Variants in TTC19 observed in about 807,000 individuals in gnomAD.
TTC19 encodes the protein tetratricopeptide repeat domain 19.
TTC19 carries 38 observed loss-of-function variants against 49.5 expected under a neutral mutation model. That is an observed-to-expected ratio of 0.77 (90% CI 0.59 to 1.01). TTC19 has a LOEUF of 1.01. Ranked by LOEUF, TTC19 falls within the 50% of genes least tolerant of loss-of-function variation. The probability of loss-of-function intolerance (pLI) is 0.00; values close to 1 mark genes in which losing one functional copy is unlikely to be tolerated. For synonymous variants in TTC19, 204 were observed against 185.2 expected, an observed-to-expected ratio of 1.10 and a Z score of -0.83; for missense variants, 475 against 477.7, an observed-to-expected ratio of 0.99 and a Z score of 0.05.
rs145995711 is a variant in TTC19, at chr17:16,023,087, A to C, written c.677-1930A>C. Among the ~76,000 whole-genome samples the C allele has an allele frequency of 2.6e-4, 40 of 152,318 alleles. 1 individual carries two copies. Among genetic ancestry groups the C allele is most frequent in the African/African-American group, 9.4e-4 (39 of 41,584 alleles). ...GAACTTTATGAAATTTTCTCTTGGC[A>C]GTTGCTAAAAGTTTTCTTACGTTTT... On this transcript the variant is annotated intron_variant, in intron 7 of 9. Transcript: ENST00000261647.
intron 7 of TTC19, among the ~76,000 whole-genome samples, chr17:16,018,108 T>C (rs1399463500): frequency 6.6e-6 from 1 of 152,228 alleles, no homozygotes; most frequent in Non-Finnish European, 1.5e-5. Flanking sequence ...CTTAGTGGAA[T>C]TTATTGCAGA....
chr17:16,025,183 A>G lies in TTC19; in HGVS notation c.831+12A>G, dbSNP rs767014443. The G allele has an allele frequency of 2.6e-5, 42 of 1,612,418 alleles. No homozygotes were observed. The East Asian group carries it at 8.9e-4, about 34-fold the overall frequency. On this transcript the variant is annotated intron_variant, in intron 8 of 9. Coordinates refer to ENST00000261647, the MANE Select transcript of TTC19 (RefSeq NM_017775.4). Reference sequence around the variant, plus strand: ...AAAGACACCCACAGGTAAGGGAGGAAAACACAGAAGGGGGAATATAAAACA... The same window carrying G: ...AAAGACACCCACAGGTAAGGGAGGAGAACACAGAAGGGGGAATATAAAACA...
At position 16,022,551 on chromosome 17, in the gene TTC19, G is replaced by C. The variant is rs74526380; in HGVS notation, c.677-2466G>C. On this transcript the variant is annotated intron_variant, in intron 7 of 9. Coordinates refer to ENST00000261647, the MANE Select transcript of TTC19 (RefSeq NM_017775.4). ...TTCCTATATTGCTATTGATGGTGAG[G>C]GGGTAGGGGAGTGTTAGAGGCCTAT... Among the ~76,000 whole-genome samples the C allele has an allele frequency of 6.2e-3, 937 of 152,276 alleles. 30 individuals are homozygous for C. The highest frequency in any genetic ancestry group is 0.038 in the Admixed American group (586 of 15,298).
intron 7 of TTC19, 155 bp from the exon 8 acceptor site, chr17:16,024,862 C>T: frequency 1.4e-6 from 1 of 692,222 alleles, no homozygotes; most frequent in Non-Finnish European, 2.6e-6. Flanking sequence ...GCTGAAGTTC[C>T]ATGATTCCAG....
chr17:16,000,105 C>A lies in TTC19; in HGVS notation c.185-13C>A. The A allele has an allele frequency of 6.5e-7, 1 of 1,529,720 alleles. No homozygotes were observed. The highest frequency in any genetic ancestry group is 2.4e-5 in the East Asian group (1 of 41,688). 94.8% of individuals were successfully genotyped at this position (1,529,720 alleles called of 1,614,324 possible). A position where few individuals can be genotyped will look rare whatever the true frequency, so the allele number is the denominator to read the frequency against. ...CGGGCCGGGCCCGATGACCTCAGAG[C>A]CCCTTCCCGCAGCGCTCGCCTGGTT... On this transcript the variant is annotated splice_polypyrimidine_tract_variant and intron_variant, in intron 1 of 9. Coordinates refer to ENST00000261647, the MANE Select transcript of TTC19 (RefSeq NM_017775.4).
chr17:16,031,255 G>A (rs750648876), downstream of TTC19: 1 of 197,090 alleles, frequency 5.1e-6, no homozygotes, highest in African/African-American at 2.3e-5. Context: ...AGTTTTTCAG[G>A]ATGCAGCATA....
At chr17:16,017,854 G>GT (rs35860958) in intron 7 of TTC19, among the ~76,000 whole-genome samples, 65,423 of 152,032 alleles carry the variant, frequency 0.43, 15,733 homozygotes, top group Middle Eastern at 0.57. Flanking sequence ...TAATTCCTTT[G>GT]TTTTCAGTTC....
chr17:16,024,477 T>G (rs897674034), intron 7 of TTC19: 6 of 151,770 alleles, frequency 4.0e-5, no homozygotes, highest in African/African-American at 1.5e-4. Context: ...TTTTTTTTTT[T>G]TGTATTTTTA....
At chr17:16,005,428 G>A (rs969147865) in intron 6 of TTC19, among the ~76,000 whole-genome samples, 3 of 152,180 alleles carry the variant, frequency 2.0e-5, no homozygotes, top group African/African-American at 7.2e-5. Flanking sequence ...AGGGTCATAA[G>A]TTCTCCCCTG....
chr17:16,026,799 AC>A, intron 9 of TTC19, 97 bp downstream of exon 9: 1 of 1,232,854 alleles, frequency 8.1e-7, no homozygotes, highest in Non-Finnish European at 1.2e-6. Context: ...GCAAGGGCCA[AC>A]GAATAAACAT....
chr17:16,002,059 G>A (rs1266637001), intron 3 of TTC19, 34 bp downstream of exon 3: 3 of 1,459,432 alleles, frequency 2.1e-6, no homozygotes, highest in African/African-American at 1.4e-5. Context: ...CCACTGATGA[G>A]GAAGGTTGGA....
In TTC19 at chr17:16,025,178, G is replaced by A. The variant is rs1203375622; in HGVS notation, c.831+7G>A. 6.2e-7 allele frequency: 1 copy of A among 1,612,840 alleles called. No individual in the cohort carries two copies. The highest frequency in any genetic ancestry group is 1.3e-5 in the African/African-American group (1 of 74,890). On this transcript the variant is annotated splice_region_variant and intron_variant, in intron 8 of 9. Transcript: ENST00000261647. ...AGGAGAAAGACACCCACAGGTAAGG[G>A]AGGAAAACACAGAAGGGGGAATATA...
chr17:16,000,038 G>A lies in TTC19; in HGVS notation c.184+6G>A. On this transcript the variant is annotated splice_donor_region_variant and intron_variant, in intron 1 of 9. Coordinates refer to ENST00000261647, the MANE Select transcript of TTC19 (RefSeq NM_017775.4). ...CCTGCTGCCGCTGCTGGCAGGTGAG[G>A]GGCGCGGGCCGGGCGGGGCCGGCCG... 7.9e-7 allele frequency: 1 copy of A among 1,260,210 alleles called. No homozygotes were observed. The highest frequency in any genetic ancestry group is 9.9e-7 in the Non-Finnish European group (1 of 1,005,552). 78.1% of individuals were successfully genotyped at this position (1,260,210 alleles called of 1,614,324 possible).
chr17:16,024,894 A>G, intron 7 of TTC19, 123 bp from the exon 8 acceptor site: 1 of 892,846 alleles, frequency 1.1e-6, no homozygotes, highest in Middle Eastern at 2.9e-4. Context: ...TAGGTCATTT[A>G]ACTGGATGTT....
Position 15,999,882 on chromosome 17 carries a change from G to A in TTC19, c.34G>A (p.Gly12Ser), listed in dbSNP as rs1402923599. The part of the protein sequence containing the change: ...FRLLSWSLGR[G>S]FLRAAGRRCR... ...GCTCCTGAGCTGGAGCCTGGGCCGA[G>A]GCTTCCTGCGGGCCGCGGGGCGGCG... The change falls in exon 1 of 10, where the codon GGC (glycine) becomes AGC (serine). Residue 12 changes from glycine to serine, a missense_variant. By Grantham distance (56) the Gly-to-Ser change is moderately conservative. Transcript: ENST00000261647. 6 of 1,416,842 alleles carry A rather than the reference G, an allele frequency of 4.2e-6. No homozygotes were observed. Among genetic ancestry groups the A allele is most frequent in the Non-Finnish European group, 5.5e-6 (6 of 1,095,006 alleles). The allele number at this position is 1,416,842 out of a possible 1,614,324, so 87.8% of individuals were successfully genotyped here. A position where few individuals can be genotyped will look rare whatever the true frequency, so the allele number is the denominator to read the frequency against.
chr17:16,028,424 T>C lies in TTC19; in HGVS notation c.*902T>C. On this transcript the variant is annotated 3_prime_UTR_variant, in exon 10 of 10. Transcript: ENST00000261647. ...TGGATCTTAGTCCTAGCCTTTTTGC[T>C]TTTGCAATTTCAGTATCTTCATCTC... 1 of 454,122 alleles carries C rather than the reference T, an allele frequency of 2.2e-6. No homozygotes were observed. The highest frequency in any genetic ancestry group is 1.6e-5 in the South Asian group (1 of 64,482). 28.1% of individuals were successfully genotyped at this position (454,122 alleles called of 1,614,324 possible). A position where few individuals can be genotyped will look rare whatever the true frequency, so the allele number is the denominator to read the frequency against.
intron 7 of TTC19, among the ~76,000 whole-genome samples, chr17:16,009,790 T>C (rs1372119850): frequency 6.6e-6 from 1 of 152,178 alleles, no homozygotes. Flanking sequence ...AGGATAATTA[T>C]TTTGTTACCT....
chr17:16,044,889 A>C (rs941818929), exon 3 of TTC19: 2 of 727,930 alleles, frequency 2.7e-6, no homozygotes, highest in Non-Finnish European at 4.8e-6. Context: ...TCCAGCTGAG[A>C]AGAAAGTGGA....
At chr17:16,008,825 G>C (rs73978596) in intron 7 of TTC19, among the ~76,000 whole-genome samples, 24,758 of 152,020 alleles carry the variant, frequency 0.16, 4,532 homozygotes, top group African/African-American at 0.45. Context: ...TCCTCAGAGT[G>C]CTCCCTTCAC....
Sources: gnomAD v4.1 joint callset for allele counts (sites outside exome capture counted in the v4.1 genomes callset) on GRCh38, gnomAD v4.1.1 for gene constraint, MANE v1.5 for transcripts, NCBI Gene and HGNC (gene_info 2026-07-23, HGNC 2026-07-21) for gene names.